The following CNTN3 variants were observed in gnomAD, a reference collection of about 807,000 sequenced individuals.
CNTN3 encodes the protein contactin 3, also known as contactin-3.
A neutral mutation model predicts 119.1 loss-of-function variants in CNTN3; 60 were observed. That is an observed-to-expected ratio of 0.50 (90% CI 0.41 to 0.62). The LOEUF is 0.62. CNTN3 is among the 20% of genes least tolerant of loss of function. CNTN3 has a pLI of 0.00. For synonymous variants in CNTN3, 450 were observed against 438.7 expected (o/e 1.03, Z -0.32); for missense variants, 1,101 against 1,242.4 (o/e 0.89, Z 1.71).
At position 74,499,550 on chromosome 3, in the gene CNTN3, AT is replaced by A. The variant is rs1010339855; in HGVS notation, c.182+108del. ...ATATCATACAACTATAGCTTCACGT[AT>A]TTTTTTCTTACTGATGGCATAAATA... On this transcript the variant is annotated intron_variant, in intron 3 of 22. Coordinates refer to ENST00000263665, the MANE Select transcript of CNTN3 (RefSeq NM_020872.3). The A allele has an allele frequency of 1.2e-5, 12 of 998,396 alleles. No homozygotes were observed. The African/African-American group carries it at 1.3e-4, about 11-fold the overall frequency. 61.8% of individuals were successfully genotyped at this position (998,396 alleles called of 1,614,324 possible).
intron 13 of CNTN3, among the ~76,000 whole-genome samples, chr3:74,319,882 G>A (rs1702941082): frequency 6.7e-6 from 1 of 150,022 alleles, no homozygotes; most frequent in African/African-American, 2.4e-5. Context: ...CTTCTCAAAA[G>A]AAGACATTTA....
At chr3:74,452,626 C>T (rs1702181198) in intron 4 of CNTN3, among the ~76,000 whole-genome samples, 1 of 107,692 alleles carries the variant, frequency 9.3e-6, no homozygotes, top group African/African-American at 3.8e-5. Flanking sequence ...AGTTTTTGCC[C>T]ATTCAGTATG....
chr3:74,386,588 C>A (rs1329200797), intron 5 of CNTN3, among the ~76,000 whole-genome samples: 1 of 152,130 alleles, frequency 6.6e-6, no homozygotes, highest in African/African-American at 2.4e-5. Flanking sequence ...ACAAACAAAG[C>A]AAATTAAAAG....
At chr3:74,531,019 C>T (rs922837475) in intron 1 of CNTN3, among the ~76,000 whole-genome samples, 2 of 151,862 alleles carry the variant, frequency 1.3e-5, no homozygotes, top group African/African-American at 2.4e-5. Flanking sequence ...TCTTCTCTTC[C>T]GGGCAAAATA....
chr3:74,369,210 T>C lies in CNTN3; in HGVS notation c.925A>G (p.Arg309Gly), dbSNP rs1575665783. The C allele has an allele frequency of 6.2e-7, 1 of 1,604,544 alleles. No homozygotes were observed. Among genetic ancestry groups the C allele is most frequent in the Non-Finnish European group, 8.5e-7 (1 of 1,175,738 alleles). Residue 309 changes from arginine to glycine, a missense_variant, in exon 8 of 23, where the codon AGA becomes GGA. Arg to Gly is a moderately radical substitution (Grantham distance 125). Transcript: ENST00000263665. Reference protein sequence around the residue: ...AENSRGKNVARGRLTYYAKPH... With the variant: ...AENSRGKNVAGGRLTYYAKPH... ...TCACCATAGTAAGTGAGACGCCCTC[T>C]GGCAACATTTTTTCCTCGTGAATTC...
intron 1 of CNTN3, among the ~76,000 whole-genome samples, chr3:74,537,009 C>CACACAT (rs1295159609): frequency 6.6e-6 from 1 of 151,568 alleles, no homozygotes; most frequent in Non-Finnish European, 1.5e-5. Flanking sequence ...CACACACACA[C>CACACAT]ACACAGCTGG....
chr3:74,496,122 C>T (rs1703058366), intron 3 of CNTN3, among the ~76,000 whole-genome samples: 1 of 152,034 alleles, frequency 6.6e-6, no homozygotes. Flanking sequence ...TCAAGGGCCA[C>T]ATGTGATTAC....
intron 4 of CNTN3, among the ~76,000 whole-genome samples, chr3:74,426,191 T>G (rs1315405545): frequency 2.0e-5 from 3 of 152,078 alleles, no homozygotes; most frequent in Non-Finnish European, 2.9e-5. Flanking sequence ...AAGAAAGATC[T>G]GTTTCTTTAA....
intron 4 of CNTN3, among the ~76,000 whole-genome samples, chr3:74,434,994 C>T (rs944273118): frequency 1.3e-5 from 2 of 152,142 alleles, no homozygotes; most frequent in African/African-American, 4.8e-5. Context: ...TACAGTTCCT[C>T]TTCCAACTTC....
At chr3:74,438,695 G>A (rs904155725) in intron 4 of CNTN3, among the ~76,000 whole-genome samples, 3 of 152,214 alleles carry the variant, frequency 2.0e-5, no homozygotes, top group African/African-American at 4.8e-5. Flanking sequence ...AATTCAACAC[G>A]AGAGTCTTAA....
intron 1 of CNTN3, among the ~76,000 whole-genome samples, chr3:74,596,532 A>G (rs1034679464): frequency 6.6e-6 from 1 of 152,098 alleles, no homozygotes; most frequent in Non-Finnish European, 1.5e-5. Flanking sequence ...AAATAATGCC[A>G]CATATCTACA....
intron 11 of CNTN3, among the ~76,000 whole-genome samples, chr3:74,338,390 ATG>A (rs918371889): frequency 1.3e-5 from 2 of 151,956 alleles, no homozygotes; most frequent in Non-Finnish European, 2.9e-5. Flanking sequence ...GCATATGTGT[ATG>A]TGTGTATATA....
intron 5 of CNTN3, among the ~76,000 whole-genome samples, chr3:74,393,609 G>A (rs1395350194): frequency 2.6e-5 from 4 of 152,168 alleles, no homozygotes; most frequent in Non-Finnish European, 4.4e-5. Flanking sequence ...CAAATATCTC[G>A]GACAAATGCC....
Position 74,316,861 on chromosome 3 carries a change from G to GAGC in CNTN3, c.1669-14057_1669-14055dup, listed in dbSNP as rs573673905. 9.6e-4 allele frequency among the ~76,000 whole-genome samples: 145 copies of GAGC among 151,646 alleles called. 1 individual carries two copies. In the East Asian group the frequency reaches 0.027, roughly 28 times the overall value. ...GAGAATGGCGTGAACCTGGGAGGCA[G>GAGC]AGCTTGCAATCAGCCGAGACCGCAC... On this transcript the variant is annotated intron_variant, in intron 13 of 22. Coordinates refer to ENST00000263665, the MANE Select transcript of CNTN3 (RefSeq NM_020872.3).
At chr3:74,359,227 C>T (rs1704021876) in intron 11 of CNTN3, among the ~76,000 whole-genome samples, 1 of 151,992 alleles carries the variant, frequency 6.6e-6, no homozygotes, top group African/African-American at 2.4e-5. Flanking sequence ...GAACGGCCAA[C>T]CAACAAACAA....
chr3:74,378,886 G>A (rs747934859), intron 5 of CNTN3, among the ~76,000 whole-genome samples: 3 of 151,910 alleles, frequency 2.0e-5, no homozygotes, highest in South Asian at 4.1e-4. Flanking sequence ...ACTCCTACAC[G>A]AAGCTTCACA....
intron 1 of CNTN3, among the ~76,000 whole-genome samples, chr3:74,598,552 C>T (rs1187633231): frequency 6.6e-6 from 1 of 152,002 alleles, no homozygotes; most frequent in Non-Finnish European, 1.5e-5. Context: ...CTTGACCTCC[C>T]TGGCCCAAGC....
At chr3:74,279,864 G>T (rs1368550232) in intron 20 of CNTN3, among the ~76,000 whole-genome samples, 1 of 152,090 alleles carries the variant, frequency 6.6e-6, no homozygotes, top group African/African-American at 2.4e-5. Context: ...CTAGGGGCTG[G>T]GAAGGGTAGT....
At chr3:74,496,157 C>G in intron 3 of CNTN3, among the ~76,000 whole-genome samples, 1 of 152,082 alleles carries the variant, frequency 6.6e-6, no homozygotes, top group East Asian at 1.9e-4. Flanking sequence ...GACAGCAAAC[C>G]TCTAAGTCTT....
Sources: allele counts gnomAD v4.1 joint callset (sites outside exome capture counted in the v4.1 genomes callset), GRCh38; gene constraint gnomAD v4.1.1; transcripts MANE v1.5; gene names NCBI Gene and HGNC (gene_info 2026-07-23, HGNC 2026-07-21).